CDHR2: variants seen among roughly 807,000 people sequenced by gnomAD.
The protein encoded by CDHR2 is cadherin related family member 2, also known as cadherin-related family member 2.
Under a neutral mutation model 138.6 loss-of-function variants are expected in CDHR2, and 104 were observed. The ratio of observed to expected loss-of-function variants is 0.75; its 90% CI spans 0.64 to 0.88. The LOEUF (loss-of-function observed/expected upper bound fraction) is 0.88, where lower values mean the gene tolerates loss of function less well. CDHR2 is among the 40% of genes least tolerant of loss of function. The pLI is 0.00. For missense variants in CDHR2, 1,624 were observed against 1,727.6 expected, an observed-to-expected ratio of 0.94 and a Z score of 1.06; for synonymous variants, 755 against 742.8, an observed-to-expected ratio of 1.02 and a Z score of -0.27.
chr5:176,578,503 A>G lies in CDHR2; in HGVS notation c.1713A>G (p.Thr571=). The G allele has an allele frequency of 6.2e-6, 10 of 1,613,976 alleles. No homozygotes were observed. Among genetic ancestry groups the G allele is most frequent in the Non-Finnish European group, 8.5e-6 (10 of 1,179,910 alleles). ...TDGGNLSSST[T]LQIHLLDIND... ...GCGGGAACCTGTCCTCCTCCACCAC[A>G]CTGCAGATCCACCTGCTGGACATCA... The change falls in exon 16 of 32, where the codon ACA becomes ACG. Residue 571 remains threonine (T), a synonymous_variant. Transcript: ENST00000261944.
intron 27 of CDHR2, 23 bp from the exon 28 acceptor site, chr5:176,590,540 C>T (rs1758818512): frequency 6.2e-7 from 1 of 1,613,836 alleles, no homozygotes; most frequent in African/African-American, 1.3e-5. Flanking sequence ...GAGTGTGCTT[C>T]CCTCACACTC....
At chr5:176,559,532 A>G (rs1032358157) in intron 1 of CDHR2, among the ~76,000 whole-genome samples, 32 of 152,176 alleles carry the variant, frequency 2.1e-4, no homozygotes, top group Admixed American at 3.9e-4. Flanking sequence ...TACAAAATCT[A>G]TTGTTTGTAC....
intron 2 of CDHR2, 74 bp from the exon 3 acceptor site, chr5:176,565,595 GTGT>G (rs1758059942): frequency 1.6e-5 from 22 of 1,368,988 alleles, no homozygotes; most frequent in Non-Finnish European, 2.2e-5. Flanking sequence ...AAGGACTAGT[GTGT>G]GCTCCCAGGG....
chr5:176,594,857 A>C (rs2113341306), intron 31 of CDHR2, among the ~76,000 whole-genome samples: 1 of 151,892 alleles, frequency 6.6e-6, no homozygotes, highest in South Asian at 2.1e-4. Context: ...GTGTGTGTGC[A>C]CGCACACAGC....
upstream of CDHR2, among the ~76,000 whole-genome samples, chr5:176,544,473 T>C (rs569229972): frequency 3.9e-5 from 6 of 152,058 alleles, no homozygotes; most frequent in South Asian, 1.2e-3. Flanking sequence ...GGAGTCTTAC[T>C]TTGTCGCCCA....
At chr5:176,571,189 T>C in intron 5 of CDHR2, 24 bp from the exon 6 acceptor site, 1 of 1,551,176 alleles carries the variant, frequency 6.4e-7, no homozygotes, top group Non-Finnish European at 8.9e-7. Context: ...TTTTCTGGGG[T>C]CCCCTGGGCT....
intron 1 of CDHR2, among the ~76,000 whole-genome samples, chr5:176,558,017 T>G (rs577039123): frequency 6.6e-6 from 1 of 152,114 alleles, no homozygotes; most frequent in Non-Finnish European, 1.5e-5. Flanking sequence ...ATCTGTTAAT[T>G]TCTTAAAGTG....
intron 25 of CDHR2, 49 bp from the exon 26 acceptor site, chr5:176,590,204 C>A (rs778343991): frequency 6.2e-7 from 1 of 1,611,900 alleles, no homozygotes; most frequent in Non-Finnish European, 8.5e-7. Context: ...GCAGGAGGGG[C>A]CTGCTGGGTG....
intron 1 of CDHR2, among the ~76,000 whole-genome samples, chr5:176,558,086 GTT>G (rs1291431098): frequency 3.9e-5 from 6 of 152,256 alleles, no homozygotes; most frequent in South Asian, 2.1e-4. Context: ...GCATGGTAAG[GTT>G]GTAGTCCATC....
chr5:176,594,767 G>C (rs977185816), intron 31 of CDHR2, among the ~76,000 whole-genome samples: 1 of 152,202 alleles, frequency 6.6e-6, no homozygotes, highest in East Asian at 1.9e-4. Context: ...GGCGGTGGTG[G>C]CCGGGGCTCT....
intron 1 of CDHR2, among the ~76,000 whole-genome samples, chr5:176,554,487 T>G (rs1047093798): frequency 1.3e-5 from 2 of 152,186 alleles, no homozygotes; most frequent in Non-Finnish European, 2.9e-5. Flanking sequence ...GTGGGGTTAT[T>G]ATTCTCACAG....
intron 1 of CDHR2, among the ~76,000 whole-genome samples, chr5:176,558,629 C>A (rs898958416): frequency 6.6e-6 from 1 of 152,140 alleles, no homozygotes; most frequent in African/African-American, 2.4e-5. Context: ...AGGCGATCCA[C>A]CCACCTCAGC....
chr5:176,551,883 T>G lies in CDHR2; in HGVS notation c.-16+2469T>G, dbSNP rs59917639. ...CGCCTGGCTAATATTTTTTTTTTTT[T>G]TGGGGAACTTTTAGTAGAGACGGCG... On this transcript the variant is annotated intron_variant, in intron 1 of 31. Transcript: ENST00000261944. Among the ~76,000 whole-genome samples, 123 of 76,882 alleles carry G rather than the reference T, an allele frequency of 1.6e-3. 1 individual carries two copies. The highest frequency in any genetic ancestry group is 0.013 in the East Asian group (8 of 620). 50.4% of individuals were successfully genotyped at this position (76,882 alleles called of 152,430 possible).
At chr5:176,592,642 G>T in intron 30 of CDHR2, 81 bp from the exon 31 acceptor site, 1 of 1,080,248 alleles carries the variant, frequency 9.3e-7, no homozygotes, top group Non-Finnish European at 1.4e-6. Context: ...TGGTGATGGT[G>T]GTGATGGAGG....
chr5:176,571,679 G>GGCGCCCGCCACC (rs1229792613), intron 6 of CDHR2, among the ~76,000 whole-genome samples: 2 of 152,174 alleles, frequency 1.3e-5, no homozygotes, highest in African/African-American at 2.4e-5. Flanking sequence ...TGGGACTACA[G>GGCGCCCGCCACC]GCGCCCGCCA....
At chr5:176,586,457 A>G (rs1758669834) in intron 20 of CDHR2, among the ~76,000 whole-genome samples, 1 of 152,230 alleles carries the variant, frequency 6.6e-6, no homozygotes, top group Non-Finnish European at 1.5e-5. Flanking sequence ...TGGCCTCCCA[A>G]AGTGCTGGGA....
At chr5:176,590,807 A>G in intron 28 of CDHR2, 120 bp downstream of exon 28, 2 of 1,334,524 alleles carry the variant, frequency 1.5e-6, no homozygotes, top group South Asian at 2.6e-5. Flanking sequence ...TTCACTCCCC[A>G]GTGACCCAGT....
intron 1 of CDHR2, among the ~76,000 whole-genome samples, chr5:176,556,229 C>T (rs538750965): frequency 1.3e-5 from 2 of 152,214 alleles, no homozygotes; most frequent in Admixed American, 1.3e-4. Flanking sequence ...ATAGGCCAGT[C>T]ACGGTGGCTC....
chr5:176,590,197 G>A (rs1227706138), intron 25 of CDHR2, 51 bp downstream of exon 25: 6 of 1,611,698 alleles, frequency 3.7e-6, no homozygotes, highest in African/African-American at 1.3e-5. Context: ...AGCGGTAGCA[G>A]GAGGGGCCTG....
Sources: allele counts gnomAD v4.1 joint callset (sites outside exome capture counted in the v4.1 genomes callset), GRCh38; gene constraint gnomAD v4.1.1; transcripts MANE v1.5; gene names NCBI Gene and HGNC (gene_info 2026-07-23, HGNC 2026-07-21).